SLC5A4: variants seen among roughly 807,000 people sequenced by gnomAD.
The protein encoded by SLC5A4 is solute carrier family 5 member 4.
In SLC5A4, 55 loss-of-function variants were observed where a neutral mutation model predicts 70.3. The observed-to-expected ratio is 0.78, with a 90% CI of 0.63 to 0.98. The LOEUF is 0.98. Among genes scored for constraint, SLC5A4 ranks in the 50% least tolerant of loss-of-function variants. The pLI, the probability that SLC5A4 is intolerant of heterozygous loss-of-function variation, is 0.00. For synonymous variants in SLC5A4, 268 were observed against 305.7 expected, an observed-to-expected ratio of 0.88 and a Z score of 1.29; for missense variants, 735 against 839.2, an observed-to-expected ratio of 0.88 and a Z score of 1.53.
the SLC5A4 span, chr22:32,270,992 G>A: frequency 2.3e-5 from 12 of 523,902 alleles, no homozygotes; most frequent in Middle Eastern, 4.7e-4. Flanking sequence ...CTTGGAGGCC[G>A]AGAGCCTGGG....
chr22:32,281,505 A>C, the SLC5A4 span, among the ~76,000 whole-genome samples: 475 of 152,264 alleles, frequency 3.1e-3, 3 homozygotes, highest in African/African-American at 0.011. Context: ...TCATGCACCC[A>C]TTGTTTCTCC....
At chr22:32,339,662 G>A in the SLC5A4 span, among the ~76,000 whole-genome samples, 8 of 152,346 alleles carry the variant, frequency 5.3e-5, no homozygotes, top group South Asian at 2.1e-4. Flanking sequence ...CCTCTGGAAA[G>A]ATTCAAGGCT....
rs188104360 is a variant in SLC5A4 at position 32,241,863 on chromosome 22, A to G, written c.478-2773T>C. Among the ~76,000 whole-genome samples, 1,056 of 117,584 alleles carry G rather than the reference A, an allele frequency of 9.0e-3. 19 individuals are homozygous for G. The highest frequency in any genetic ancestry group is 0.025 in the South Asian group (104 of 4,134). 77.1% of individuals were successfully genotyped at this position (117,584 alleles called of 152,430 possible). On this transcript the variant is annotated intron_variant, in intron 5 of 14. Transcript: ENST00000266086. ...TCTGTGTGTGTGTGTGTGTGTGTGTATATATATGTGTGTATATATATATGT... is the reference window on the plus strand; with the variant it reads ...TCTGTGTGTGTGTGTGTGTGTGTGTGTATATATGTGTGTATATATATATGT...
the SLC5A4 span, among the ~76,000 whole-genome samples, chr22:32,292,217 A>C: frequency 6.8e-5 from 5 of 74,044 alleles, no homozygotes; most frequent in Non-Finnish European, 2.4e-5. Flanking sequence ...TAATATATAT[A>C]TTATATTCTA....
chr22:32,288,557 TTTTG>T, the SLC5A4 span, among the ~76,000 whole-genome samples: 261 of 152,216 alleles, frequency 1.7e-3, no homozygotes, highest in African/African-American at 6.1e-3. Flanking sequence ...TTTTTCTTTT[TTTTG>T]TTTTTGTTTT....
chr22:32,230,921 G>A (rs2068209), intron 10 of SLC5A4, 47 bp downstream of exon 10: 493,127 of 1,214,150 alleles, frequency 0.41, 104,985 homozygotes, highest in African/African-American at 0.55. Flanking sequence ...CTCGAGGCCC[G>A]TCTTAGACAG....
rs1927181470 is a variant in SLC5A4, at chr22:32,251,812, T to C, written c.270A>G (p.Thr90=). The change falls in exon 3 of 15, where the codon ACA becomes ACG. Residue 90 remains threonine (T), a synonymous_variant. Coordinates refer to ENST00000266086, the MANE Select transcript of SLC5A4 (RefSeq NM_014227.3). The part of the protein sequence containing the change: ...GSNHYVGLAG[T]GAASGVATVT... ...CGGTGGCGACTCCTGAAGCTGCTCC[T>C]GTCCCAGCCAGCCCCACATAGTGGT... The C allele has an allele frequency of 1.9e-6, 3 of 1,614,050 alleles. No individual in the cohort carries two copies. Among genetic ancestry groups the C allele is most frequent in the Non-Finnish European group, 2.5e-6 (3 of 1,179,882 alleles).
chr22:32,241,803 G>GTGTA (rs1474263077), intron 5 of SLC5A4, among the ~76,000 whole-genome samples: 3,735 of 147,940 alleles, frequency 0.025, 102 homozygotes, highest in African/African-American at 0.076. Context: ...GTGTGTGTGT[G>GTGTA]TATATATATC....
At chr22:32,269,282 A>G in the SLC5A4 span, 4 of 263,652 alleles carry the variant, frequency 1.5e-5, no homozygotes, top group East Asian at 3.8e-4. The surrounding 1 kb of genome is among the most constrained non-coding windows in gnomAD (Gnocchi z 4.1). Flanking sequence ...GCACTGACCT[A>G]AAACATAACT....
At chr22:32,254,719 G>T (rs1409284395) in intron 1 of SLC5A4, among the ~76,000 whole-genome samples, 3 of 151,984 alleles carry the variant, frequency 2.0e-5, no homozygotes, top group Admixed American at 6.6e-5. Context: ...CAGGAGAATG[G>T]CGTGAACCCA....
the SLC5A4 span, among the ~76,000 whole-genome samples, chr22:32,310,730 C>T: frequency 3.3e-5 from 5 of 152,230 alleles, no homozygotes; most frequent in African/African-American, 9.6e-5. Flanking sequence ...CCACTTGACC[C>T]GGCTGAGTCT....
chr22:32,285,632 G>C, the SLC5A4 span, among the ~76,000 whole-genome samples: 1 of 151,734 alleles, frequency 6.6e-6, no homozygotes, highest in Non-Finnish European at 1.5e-5. Context: ...TGAGAGTGTT[G>C]ATATAACCCT....
the SLC5A4 span, among the ~76,000 whole-genome samples, chr22:32,328,016 T>C: frequency 0.22 from 32,539 of 151,154 alleles, 3,642 homozygotes; most frequent in Admixed American, 0.26. Flanking sequence ...CCCCAACACA[T>C]ACACCAGAGC....
chr22:32,263,869 A>G, the SLC5A4 span, among the ~76,000 whole-genome samples: 1 of 152,226 alleles, frequency 6.6e-6, no homozygotes, highest in African/African-American at 2.4e-5. Context: ...CTATGCAGTC[A>G]TAAAAAAGGA....
upstream of SLC5A4, among the ~76,000 whole-genome samples, chr22:32,259,011 C>T (rs1470984691): frequency 1.3e-5 from 2 of 152,140 alleles, no homozygotes; most frequent in African/African-American, 4.8e-5. Context: ...TATGAGGTAC[C>T]CCAAATGGTC....
rs1161052660 is a variant in SLC5A4 at position 32,224,908 on chromosome 22, G to A, written c.1450-426C>T. Among the ~76,000 whole-genome samples the A allele has an allele frequency of 6.6e-5, 10 of 152,338 alleles. No individual in the cohort carries two copies. The South Asian group carries it at 1.9e-3, about 28-fold the overall frequency. ...TCTTGATAATTTATTTCTGTGAGGAGTTGATGGGGGTGGAAACATGTGTCT... is the reference window on the plus strand; with the variant it reads ...TCTTGATAATTTATTTCTGTGAGGAATTGATGGGGGTGGAAACATGTGTCT... On this transcript the variant is annotated intron_variant, in intron 12 of 14. Coordinates refer to ENST00000266086, the MANE Select transcript of SLC5A4 (RefSeq NM_014227.3).
rs1226366774 is a variant in SLC5A4, at chr22:32,232,999, C to T, written c.921G>A (p.Met307Ile). 2 of 1,614,036 alleles carry T rather than the reference C, an allele frequency of 1.2e-6. No homozygotes were observed. The highest frequency in any genetic ancestry group is 1.3e-5 in the African/African-American group (1 of 74,934). The change falls in exon 9 of 15, where the codon ATG becomes ATA. Residue 307 changes from methionine (M) to isoleucine (I), a missense_variant. Coordinates refer to ENST00000266086, the MANE Select transcript of SLC5A4 (RefSeq NM_014227.3). ...IVQRCLCGKDMSHVKAACIMC... is the reference protein window; with the variant it reads ...IVQRCLCGKDISHVKAACIMC... The stretch of plus-strand genomic sequence containing the variant: ...TAATGCAAGCGGCCTTCACGTGAGA[C>T]ATGTCCTTGCCACACAGGCAGCGCT...
At chr22:32,306,974 TTTGA>T in the SLC5A4 span, among the ~76,000 whole-genome samples, 1 of 152,208 alleles carries the variant, frequency 6.6e-6, no homozygotes, top group East Asian at 1.9e-4. Flanking sequence ...ATCCATAGTT[TTTGA>T]TTCTGTGCTC....
intron 3 of SLC5A4, among the ~76,000 whole-genome samples, chr22:32,249,557 G>A (rs1242339737): frequency 1.3e-5 from 2 of 152,200 alleles, no homozygotes; most frequent in African/African-American, 2.4e-5. Context: ...TGAAGTAAAT[G>A]TAGGGGCAAA....
Sources: allele counts gnomAD v4.1 joint callset (sites outside exome capture counted in the v4.1 genomes callset), GRCh38; gene constraint gnomAD v4.1.1; non-coding constraint Gnocchi (gnomAD v3.1); transcripts MANE v1.5; gene names NCBI Gene and HGNC (gene_info 2026-07-23, HGNC 2026-07-21).